RBFOX1: variants seen among roughly 807,000 people sequenced by gnomAD.
RBFOX1 encodes the protein RNA binding fox-1 homolog 1, also known as RNA binding protein fox-1 homolog 1.
RBFOX1 carries 8 observed loss-of-function variants against 57.7 expected under a neutral mutation model. The observed-to-expected ratio is 0.14, with a 90% CI of 0.08 to 0.25. RBFOX1 has a LOEUF of 0.25. Ranked by LOEUF, RBFOX1 falls within the 10% of genes least tolerant of loss-of-function variation. The probability of loss-of-function intolerance (pLI) is 1.00; values close to 1 mark genes in which losing one functional copy is unlikely to be tolerated. For synonymous variants in RBFOX1, 326 were observed against 222.4 expected, an observed-to-expected ratio of 1.47 and a Z score of -4.15; for missense variants, 611 against 548.5, an observed-to-expected ratio of 1.11 and a Z score of -1.14.
At chr16:5,557,814 T>C (rs2045736580) in intron 2 of RBFOX1, among the ~76,000 whole-genome samples, 1 of 152,186 alleles carries the variant, frequency 6.6e-6, no homozygotes, top group East Asian at 1.9e-4. Flanking sequence ...TTCACACCCA[T>C]AGAAGTTGCC....
chr16:6,414,893 C>T (rs8050852), intron 2 of RBFOX1, among the ~76,000 whole-genome samples: 1 of 151,938 alleles, frequency 6.6e-6, no homozygotes, highest in South Asian at 2.1e-4. Context: ...AGACATCCTG[C>T]AAGGCATGGG....
At chr16:5,349,624 A>G (rs1402137158) in intron 1 of RBFOX1, among the ~76,000 whole-genome samples, 2 of 150,588 alleles carry the variant, frequency 1.3e-5, no homozygotes, top group African/African-American at 4.9e-5. Context: ...AGTGAGCCAG[A>G]CCATGCCATT....
At chr16:6,465,581 G>A (rs982347423) in intron 2 of RBFOX1, among the ~76,000 whole-genome samples, 1 of 148,638 alleles carries the variant, frequency 6.7e-6, no homozygotes, top group Non-Finnish European at 1.5e-5. Context: ...AGTCTTCTCA[G>A]TTATAGATGT....
chr16:7,449,733 G>GC (rs1331608685), intron 4 of RBFOX1, among the ~76,000 whole-genome samples: 2 of 141,392 alleles, frequency 1.4e-5, no homozygotes, highest in African/African-American at 5.2e-5. Flanking sequence ...TGTGTGTGGG[G>GC]GGGGGGGGTT....
chr16:7,257,356 T>C (rs1364852609), intron 4 of RBFOX1, among the ~76,000 whole-genome samples: 1 of 152,158 alleles, frequency 6.6e-6, no homozygotes, highest in East Asian at 1.9e-4. Flanking sequence ...TAAAATTACA[T>C]GCAACCTCAT....
chr16:6,951,052 C>T (rs775960150), intron 3 of RBFOX1, among the ~76,000 whole-genome samples: 3 of 151,968 alleles, frequency 2.0e-5, no homozygotes, highest in African/African-American at 4.8e-5. Flanking sequence ...ACTACAGGCA[C>T]GTATCACCAT....
chr16:6,010,839 G>A (rs2094957099), intron 4 of RBFOX1, among the ~76,000 whole-genome samples: 1 of 152,046 alleles, frequency 6.6e-6, no homozygotes, highest in South Asian at 2.1e-4. Context: ...ACATTCCCAG[G>A]GATTGTGATT....
intron 4 of RBFOX1, chr16:7,333,198 C>T (rs1240485051): frequency 1.1e-5 from 11 of 989,952 alleles, no homozygotes; most frequent in South Asian, 8.1e-5. Context: ...AAAAAGCCCT[C>T]GCGTAGTCAG....
At chr16:6,497,710 C>T (rs996875070) in intron 2 of RBFOX1, among the ~76,000 whole-genome samples, 1 of 151,992 alleles carries the variant, frequency 6.6e-6, no homozygotes, top group African/African-American at 2.4e-5. Flanking sequence ...GCAGATACCA[C>T]CATGCCTGGC....
intron 2 of RBFOX1, among the ~76,000 whole-genome samples, chr16:5,500,101 TCCCTTCCCTC>T (rs2043135300): frequency 3.4e-5 from 4 of 118,292 alleles, no homozygotes; most frequent in African/African-American, 1.6e-4. Context: ...CTCCATTCCC[TCCCTTCCCTC>T]CCTTCCCTCC....
intron 11 of RBFOX1, among the ~76,000 whole-genome samples, chr16:7,641,826 A>ACTAC (rs1452607239): frequency 6.6e-6 from 1 of 152,192 alleles, no homozygotes; most frequent in East Asian, 1.9e-4. Context: ...AATAGCCATG[A>ACTAC]CTACCTACCT....
chr16:7,555,581 T>A (rs972318194), intron 5 of RBFOX1, among the ~76,000 whole-genome samples: 1 of 152,202 alleles, frequency 6.6e-6, no homozygotes, highest in African/African-American at 2.4e-5. Flanking sequence ...TACAAAGACC[T>A]GCGTGACCTG....
At chr16:7,199,695 A>G (rs1401355898) in intron 4 of RBFOX1, among the ~76,000 whole-genome samples, 2 of 152,174 alleles carry the variant, frequency 1.3e-5, no homozygotes, top group Non-Finnish European at 2.9e-5. Context: ...GGAGTTCAAG[A>G]TCTGCCTTTG....
intron 3 of RBFOX1, among the ~76,000 whole-genome samples, chr16:5,820,140 G>C (rs1253687812): frequency 6.6e-6 from 1 of 152,206 alleles, no homozygotes; most frequent in African/African-American, 2.4e-5. Context: ...AGTGGTTGTT[G>C]CTGTCATTCC....
chr16:6,254,361 A>G (rs938225148), intron 1 of RBFOX1, among the ~76,000 whole-genome samples: 3 of 152,216 alleles, frequency 2.0e-5, no homozygotes, highest in Non-Finnish European at 2.9e-5. Context: ...AATCATGAGA[A>G]TCATTAAAGA....
intron 3 of RBFOX1, among the ~76,000 whole-genome samples, chr16:5,738,013 C>A (rs1046502625): frequency 9.9e-5 from 15 of 151,852 alleles, no homozygotes; most frequent in African/African-American, 3.4e-4. Flanking sequence ...CCTTGCCCCC[C>A]ACCCCCTCCA....
chr16:5,862,313 C>T (rs936231383), intron 3 of RBFOX1, among the ~76,000 whole-genome samples: 59 of 152,300 alleles, frequency 3.9e-4, no homozygotes, highest in East Asian at 1.2e-3. Flanking sequence ...CTTCCCGGTC[C>T]GGCACCGTGG....
chr16:6,903,903 C>G (rs1413266533), intron 3 of RBFOX1, among the ~76,000 whole-genome samples: 5 of 152,100 alleles, frequency 3.3e-5, no homozygotes, highest in East Asian at 1.9e-4. Context: ...CTAGATCAAG[C>G]TGCCAGGGAG....
At chr16:5,259,810 C>T (rs1420066848) in intron 1 of RBFOX1, among the ~76,000 whole-genome samples, 6 of 152,134 alleles carry the variant, frequency 3.9e-5, no homozygotes, top group South Asian at 2.1e-4. Context: ...TCTGTGTCAC[C>T]CTCAGTTGAT....
Sources: allele counts gnomAD v4.1 joint callset (sites outside exome capture counted in the v4.1 genomes callset), GRCh38; gene constraint gnomAD v4.1.1; transcripts MANE v1.5; gene names NCBI Gene and HGNC (gene_info 2026-07-23, HGNC 2026-07-21).